Variants in CCDC178 observed in about 807,000 individuals in gnomAD.
CCDC178 encodes the protein coiled-coil domain containing 178, also known as coiled-coil domain-containing protein 178.
A neutral mutation model predicts 117.4 loss-of-function variants in CCDC178; 126 were observed. The observed-to-expected ratio is 1.07, with a 90% confidence interval of 0.93 to 1.24. The LOEUF (loss-of-function observed/expected upper bound fraction) is 1.24. CCDC178 is among the 50% of genes most tolerant of loss of function. CCDC178 has a pLI of 0.00. For synonymous variants in CCDC178, 283 were observed against 313.4 expected, an observed-to-expected ratio of 0.90 and a Z score of 1.02; for missense variants, 1,030 against 986.9, an observed-to-expected ratio of 1.04 and a Z score of -0.59.
intron 2 of CCDC178, among the ~76,000 whole-genome samples, chr18:33,423,045 TG>T (rs2144939659): frequency 6.6e-6 from 1 of 152,342 alleles, no homozygotes; most frequent in South Asian, 2.1e-4. Context: ...TCTATCATTC[TG>T]GTCAGAAAAT....
chr18:33,104,949 A>G (rs1050486197), intron 20 of CCDC178, among the ~76,000 whole-genome samples: 2 of 151,692 alleles, frequency 1.3e-5, no homozygotes, highest in African/African-American at 4.8e-5. Context: ...TATGTGACAA[A>G]TACAATTATA....
intron 21 of CCDC178, among the ~76,000 whole-genome samples, chr18:33,063,172 G>A (rs2056955355): frequency 6.6e-6 from 1 of 152,142 alleles, no homozygotes; most frequent in African/African-American, 2.4e-5. Context: ...CACTGGCATT[G>A]CACAGGGTGG....
chr18:33,406,492 T>C (rs2144879870), intron 3 of CCDC178, among the ~76,000 whole-genome samples: 1 of 152,112 alleles, frequency 6.6e-6, no homozygotes, highest in East Asian at 1.9e-4. Flanking sequence ...CCTAATTACA[T>C]GGGACCAAAT....
At chr18:33,381,337 C>G (rs2063436598) in intron 5 of CCDC178, among the ~76,000 whole-genome samples, 4 of 152,264 alleles carry the variant, frequency 2.6e-5, no homozygotes, top group Middle Eastern at 6.8e-3. Context: ...GTTGCATGCT[C>G]AGACTTTGTA....
intron 20 of CCDC178, among the ~76,000 whole-genome samples, chr18:33,115,929 CTAA>C (rs1450773132): frequency 6.6e-6 from 1 of 152,048 alleles, no homozygotes. Flanking sequence ...TTAATTCTTA[CTAA>C]GTTTATTTTG....
chr18:33,187,114 A>AGAGAGAGAGAGAGC lies in CCDC178; in HGVS notation c.2238+24781_2238+24782insGCTCTCTCTCTCTC, dbSNP rs60923129. ...GAGAGAGAGAGAGAGAGAGAGAGAG[A>AGAGAGAGAGAGAGC]GACTGAGAGAGAGAACTGCCAAACA... On this transcript the variant is annotated intron_variant, in intron 20 of 22. Coordinates refer to ENST00000383096, the MANE Select transcript of CCDC178 (RefSeq NM_001105528.4). 7.4e-3 allele frequency among the ~76,000 whole-genome samples: 1,109 copies of AGAGAGAGAGAGAGC among 150,264 alleles called. 18 individuals are homozygous for AGAGAGAGAGAGAGC. Among genetic ancestry groups the AGAGAGAGAGAGAGC allele is most frequent in the African/African-American group, 0.026 (1,038 of 40,580 alleles).
chr18:33,264,228 C>T (rs9957884), intron 14 of CCDC178, among the ~76,000 whole-genome samples: 10,281 of 151,810 alleles, frequency 0.068, 521 homozygotes, highest in African/African-American at 0.14. Flanking sequence ...TGCAAATAAT[C>T]GAAATAGATA....
At chr18:33,237,743 C>T (rs1200491256) in intron 15 of CCDC178, among the ~76,000 whole-genome samples, 1 of 151,664 alleles carries the variant, frequency 6.6e-6, no homozygotes, top group Non-Finnish European at 1.5e-5. Flanking sequence ...CTAGGTTGGC[C>T]AAGTGGCTGT....
intron 22 of CCDC178, chr18:32,938,314 G>A: frequency 2.2e-6 from 1 of 462,920 alleles, no homozygotes; most frequent in Non-Finnish European, 3.8e-6. Context: ...TAACTTTAAG[G>A]TAGAGAGTGA....
chr18:33,047,181 G>A (rs979989171), intron 21 of CCDC178, among the ~76,000 whole-genome samples: 1 of 152,104 alleles, frequency 6.6e-6, no homozygotes, highest in South Asian at 2.1e-4. Flanking sequence ...TACTTTAGTT[G>A]CTTCAGTCAG....
chr18:32,978,781 A>G (rs1821468834), intron 21 of CCDC178, among the ~76,000 whole-genome samples: 2 of 152,214 alleles, frequency 1.3e-5, no homozygotes, highest in South Asian at 4.1e-4. Flanking sequence ...TAACGCCTGT[A>G]ATCCCAGCAC....
intron 11 of CCDC178, among the ~76,000 whole-genome samples, chr18:33,303,112 C>T (rs999792470): frequency 2.0e-5 from 3 of 152,144 alleles, no homozygotes; most frequent in East Asian, 1.9e-4. Context: ...AACATCATTA[C>T]ATACCCCATG....
chr18:33,251,439 C>G (rs2059617808), intron 14 of CCDC178, among the ~76,000 whole-genome samples: 1 of 151,604 alleles, frequency 6.6e-6, no homozygotes, highest in Non-Finnish European at 1.5e-5. Flanking sequence ...CTAGAAATTT[C>G]TTGGTCGTGC....
At chr18:33,071,111 T>C (rs1219350612) in intron 21 of CCDC178, among the ~76,000 whole-genome samples, 1 of 152,126 alleles carries the variant, frequency 6.6e-6, no homozygotes, top group Non-Finnish European at 1.5e-5. Flanking sequence ...GAGAGGTTTA[T>C]ACAGTGAGCA....
intron 21 of CCDC178, among the ~76,000 whole-genome samples, chr18:33,000,006 A>C (rs2055599031): frequency 6.6e-6 from 1 of 152,154 alleles, no homozygotes; most frequent in Non-Finnish European, 1.5e-5. Flanking sequence ...AAATGAACTA[A>C]GGGACCATTC....
At chr18:33,193,368 A>AACTAAAAT in intron 20 of CCDC178, among the ~76,000 whole-genome samples, 1 of 152,168 alleles carries the variant, frequency 6.6e-6, no homozygotes, top group African/African-American at 2.4e-5. Context: ...AGAGGAAAAA[A>AACTAAAAT]ACTAAAATTA....
chr18:33,331,139 C>A lies in CCDC178; in HGVS notation c.879+2035G>T, dbSNP rs140258360. On this transcript the variant is annotated intron_variant, in intron 10 of 22. Transcript: ENST00000383096. The stretch of plus-strand genomic sequence containing the variant: ...CTCCACTTGCCCTGCTTATAATGTA[C>A]CCAAGTTCACTATCAGTGAAAAACA... Among the ~76,000 whole-genome samples the A allele has an allele frequency of 9.5e-4, 139 of 145,908 alleles. 2 individuals carry two copies. In the East Asian group the frequency reaches 0.023, roughly 25 times the overall value.
At chr18:33,365,768 G>A (rs979995346) in intron 6 of CCDC178, among the ~76,000 whole-genome samples, 2 of 152,076 alleles carry the variant, frequency 1.3e-5, no homozygotes, top group African/African-American at 2.4e-5. Flanking sequence ...ATTCTGTAGT[G>A]CTCACTCTAA....
intron 20 of CCDC178, among the ~76,000 whole-genome samples, chr18:33,183,657 A>G (rs2058756617): frequency 6.6e-6 from 1 of 152,032 alleles, no homozygotes. Flanking sequence ...ACCCATAGAG[A>G]CAACTCACAC....
Sources: gnomAD v4.1 joint callset for allele counts (sites outside exome capture counted in the v4.1 genomes callset) on GRCh38, gnomAD v4.1.1 for gene constraint, MANE v1.5 for transcripts, NCBI Gene and HGNC (gene_info 2026-07-23, HGNC 2026-07-21) for gene names.